PCSK5: variants seen among roughly 807,000 people sequenced by gnomAD.
PCSK5 encodes the protein prohormone convertase 5.
PCSK5 carries 129 observed loss-of-function variants against 233.2 expected under a neutral mutation model. The observed-to-expected ratio is 0.55, with a 90% CI of 0.48 to 0.64. PCSK5 has a LOEUF of 0.64. Ranked by LOEUF, PCSK5 falls within the 30% of genes least tolerant of loss-of-function variation. The probability of loss-of-function intolerance (pLI) is 0.00; values close to 1 mark genes in which losing one functional copy is unlikely to be tolerated. For synonymous variants in PCSK5, 825 were observed against 879.2 expected, an observed-to-expected ratio of 0.94 and a Z score of 1.09; for missense variants, 2,076 against 2,430.1, an observed-to-expected ratio of 0.85 and a Z score of 3.06.
At chr9:76,317,997 C>T (rs745357668) in intron 30 of PCSK5, among the ~76,000 whole-genome samples, 5 of 152,202 alleles carry the variant, frequency 3.3e-5, no homozygotes, top group South Asian at 2.1e-4. Flanking sequence ...AATATTATGG[C>T]GCTAACTCAC....
chr9:76,301,136 G>T (rs1205685596), intron 27 of PCSK5, among the ~76,000 whole-genome samples: 1 of 151,982 alleles, frequency 6.6e-6, no homozygotes, highest in Non-Finnish European at 1.5e-5. Flanking sequence ...GCCAGGTGTG[G>T]TGGCACGCAT....
intron 20 of PCSK5, among the ~76,000 whole-genome samples, chr9:76,198,335 G>A (rs888067971): frequency 6.6e-6 from 1 of 152,132 alleles, no homozygotes; most frequent in Non-Finnish European, 1.5e-5. Context: ...TGAGGCTTGA[G>A]TTGTAAGATC....
At chr9:76,180,188 ATCT>A (rs1823799427) in intron 15 of PCSK5, among the ~76,000 whole-genome samples, 2 of 151,776 alleles carry the variant, frequency 1.3e-5, no homozygotes, top group Admixed American at 1.3e-4. Context: ...TCACATACTT[ATCT>A]TTTTTTGTGG....
chr9:75,978,432 G>C (rs1826121817), intron 2 of PCSK5, among the ~76,000 whole-genome samples: 1 of 152,220 alleles, frequency 6.6e-6, no homozygotes, highest in African/African-American at 2.4e-5. Flanking sequence ...TTACAAATGA[G>C]AGTATAGAAT....
At chr9:76,313,858 G>A (rs371091272) in intron 30 of PCSK5, among the ~76,000 whole-genome samples, 122 of 152,200 alleles carry the variant, frequency 8.0e-4, no homozygotes, top group African/African-American at 2.9e-3. Flanking sequence ...GTCAGAGTAA[G>A]AGAACCCAGG....
At chr9:76,196,140 GA>G (rs1189148372) in intron 20 of PCSK5, among the ~76,000 whole-genome samples, 2 of 152,018 alleles carry the variant, frequency 1.3e-5, no homozygotes, top group African/African-American at 2.4e-5. Flanking sequence ...GCAAGGCTGT[GA>G]AAAAAAATCC....
intron 5 of PCSK5, among the ~76,000 whole-genome samples, chr9:76,062,689 C>T (rs1475354095): frequency 6.6e-6 from 1 of 152,014 alleles, no homozygotes; most frequent in East Asian, 1.9e-4. Context: ...AATAATTGTA[C>T]ATATTTATGG....
Position 76,169,963 on chromosome 9 carries a change from C to T in PCSK5, c.1756+123C>T, listed in dbSNP as rs553809651. 15 of 733,502 alleles carry T rather than the reference C, an allele frequency of 2.0e-5. No homozygotes were observed. The South Asian group carries it at 2.7e-4, about 13-fold the overall frequency. 45.4% of individuals were successfully genotyped at this position (733,502 alleles called of 1,614,324 possible). A position where few individuals can be genotyped will look rare whatever the true frequency, so the allele number is the denominator to read the frequency against. On this transcript the variant is annotated intron_variant, in intron 13 of 37. Coordinates refer to ENST00000674117, the MANE Select transcript of PCSK5 (RefSeq NM_001372043.1). ...TCTCATGTGGTTCATTTCATGTGTG[C>T]TTTGAATTACCTGCATGTATTTCAG...
intron 2 of PCSK5, among the ~76,000 whole-genome samples, chr9:75,947,131 G>T (rs1824613745): frequency 6.6e-6 from 1 of 152,208 alleles, no homozygotes; most frequent in Admixed American, 6.5e-5. Context: ...AATTGTTATT[G>T]CTGGCATTCA....
At chr9:76,328,434 T>C (rs1217003908) in intron 33 of PCSK5, among the ~76,000 whole-genome samples, 195 bp downstream of exon 33, 1 of 152,218 alleles carries the variant, frequency 6.6e-6, no homozygotes, top group African/African-American at 2.4e-5. Context: ...CTTCATCCAG[T>C]TCGCAAATTG....
At chr9:76,104,730 G>A (rs1339230) in intron 8 of PCSK5, among the ~76,000 whole-genome samples, 98,441 of 152,028 alleles carry the variant, frequency 0.65, 32,147 homozygotes, top group East Asian at 0.73. Context: ...TGTCTGGTGC[G>A]GCTGAAGAAT....
chr9:75,897,642 C>A (rs1307959374), intron 1 of PCSK5, among the ~76,000 whole-genome samples: 2 of 151,908 alleles, frequency 1.3e-5, no homozygotes, highest in Non-Finnish European at 2.9e-5. Flanking sequence ...TACAGGCAAG[C>A]ACCACCACAC....
intron 9 of PCSK5, among the ~76,000 whole-genome samples, chr9:76,122,115 G>C (rs75142191): frequency 0.035 from 1,572 of 44,502 alleles, 411 homozygotes; most frequent in African/African-American, 0.081. Flanking sequence ...GAGCCACCGC[G>C]CCCGGCCTTG....
chr9:75,912,866 A>C (rs1822809157), intron 1 of PCSK5, among the ~76,000 whole-genome samples: 1 of 152,152 alleles, frequency 6.6e-6, no homozygotes, highest in Non-Finnish European at 1.5e-5. Context: ...TAAATGACAA[A>C]GGGACCTAGC....
chr9:75,902,226 A>T (rs1359750113), intron 1 of PCSK5, among the ~76,000 whole-genome samples: 2 of 119,458 alleles, frequency 1.7e-5, no homozygotes, highest in Non-Finnish European at 2.0e-5. Context: ...AAAAAAAAAA[A>T]AAAAAAAAAA....
At chr9:76,051,607 A>C (rs552711696) in intron 5 of PCSK5, among the ~76,000 whole-genome samples, 4 of 152,288 alleles carry the variant, frequency 2.6e-5, no homozygotes, top group African/African-American at 7.2e-5. Context: ...TCCAAAAAAA[A>C]AACAACAACA....
intron 9 of PCSK5, among the ~76,000 whole-genome samples, chr9:76,133,680 C>T (rs183090748): frequency 2.0e-5 from 3 of 152,096 alleles, no homozygotes; most frequent in Non-Finnish European, 2.9e-5. Flanking sequence ...AATTGCAGCT[C>T]ACTTACCAAA....
chr9:75,897,675 G>A (rs1825870198), intron 1 of PCSK5, among the ~76,000 whole-genome samples: 1 of 151,792 alleles, frequency 6.6e-6, no homozygotes, highest in Admixed American at 6.6e-5. Flanking sequence ...TGTATTTTTA[G>A]TAGAGACGGG....
intron 2 of PCSK5, among the ~76,000 whole-genome samples, chr9:75,946,104 A>G (rs1824554513): frequency 6.6e-6 from 1 of 152,260 alleles, no homozygotes; most frequent in Non-Finnish European, 1.5e-5. Flanking sequence ...CTTCAATAGA[A>G]GAATACATGA....
Sources: gnomAD v4.1 joint callset for allele counts (sites outside exome capture counted in the v4.1 genomes callset) on GRCh38, gnomAD v4.1.1 for gene constraint, MANE v1.5 for transcripts, NCBI Gene and HGNC (gene_info 2026-07-23, HGNC 2026-07-21) for gene names.